NCKAP5: variants seen among roughly 807,000 people sequenced by gnomAD.
NCKAP5 encodes NCK associated protein 5, also known as nck-associated protein 5.
Under a neutral mutation model 167.0 loss-of-function variants are expected in NCKAP5, and 92 were observed. The ratio of observed to expected loss-of-function variants is 0.55; its 90% CI spans 0.47 to 0.66. The LOEUF (loss-of-function observed/expected upper bound fraction) is 0.66. Ranked by LOEUF, NCKAP5 falls within the 30% of genes least tolerant of loss-of-function variation. The pLI, the probability that NCKAP5 is intolerant of heterozygous loss-of-function variation, is 0.00. For missense variants in NCKAP5, 2,378 were observed against 2,315.0 expected (o/e 1.03, Z -0.56); for synonymous variants, 891 against 877.4 (o/e 1.02, Z -0.27).
At chr2:133,629,297 A>T in the NCKAP5 span, among the ~76,000 whole-genome samples, 1 of 152,106 alleles carries the variant, frequency 6.6e-6, no homozygotes, top group Admixed American at 6.6e-5. Context: ...ACAGGAAAAA[A>T]CAGCCCATTA....
In NCKAP5 at chr2:132,785,117, G is replaced by A. The variant is rs1683445188; in HGVS notation, c.1694C>T (p.Pro565Leu). 6.2e-7 allele frequency: 1 copy of A among 1,613,862 alleles called. No individual in the cohort carries two copies. Among genetic ancestry groups the A allele is most frequent in the African/African-American group, 1.3e-5 (1 of 75,050 alleles). ...QTPQVQRERG[P>L]QGQGHGRMAL... ...CATGCGGCCATGGCCTTGGCCCTGT[G>A]GGCCCCTCTCCCTCTGTACCTGAGG... Residue 565 changes from proline to leucine, a missense_variant, in exon 14 of 20, where the codon CCA (proline) becomes CTA (leucine). This residue lies in a region of NCKAP5 where 1,049 missense variants were observed against 1,023.4 expected (regional missense o/e 1.02). Coordinates refer to ENST00000409261, the MANE Select transcript of NCKAP5 (RefSeq NM_207363.3).
chr2:133,186,866 C>A (rs1158695621), intron 5 of NCKAP5, among the ~76,000 whole-genome samples: 1 of 151,984 alleles, frequency 6.6e-6, no homozygotes, highest in East Asian at 1.9e-4. Context: ...ACCTAGCTAG[C>A]AGTCTGTCAA....
At chr2:133,522,114 G>A (rs1199659232) in intron 2 of NCKAP5, among the ~76,000 whole-genome samples, 3 of 152,188 alleles carry the variant, frequency 2.0e-5, no homozygotes, top group African/African-American at 4.8e-5. Context: ...GGCAGTGAGA[G>A]GAGATTAGAA....
chr2:133,436,133 C>G (rs375951009), intron 3 of NCKAP5, among the ~76,000 whole-genome samples: 5 of 152,270 alleles, frequency 3.3e-5, no homozygotes, highest in African/African-American at 1.2e-4. Flanking sequence ...TCCATGTAGC[C>G]CAACTACAAG....
intron 3 of NCKAP5, among the ~76,000 whole-genome samples, chr2:133,355,599 C>CT (rs368714568): frequency 5.4e-5 from 8 of 148,992 alleles, no homozygotes; most frequent in East Asian, 2.0e-4. Context: ...TATTGCCAAC[C>CT]TTTTTTTTTT....
intron 1 of NCKAP5, among the ~76,000 whole-genome samples, chr2:133,563,496 G>A: frequency 7.2e-6 from 1 of 139,508 alleles, no homozygotes; most frequent in East Asian, 2.4e-4. Flanking sequence ...TTGAACCAGG[G>A]AGTCAGAGGT....
chr2:133,295,067 T>C (rs908714445), intron 4 of NCKAP5, among the ~76,000 whole-genome samples: 1 of 152,144 alleles, frequency 6.6e-6, no homozygotes, highest in Non-Finnish European at 1.5e-5. Context: ...GGCTTTGACT[T>C]CCCCTCAGGA....
At chr2:132,920,099 C>T (rs1695193922) in intron 8 of NCKAP5, among the ~76,000 whole-genome samples, 2 of 152,040 alleles carry the variant, frequency 1.3e-5, no homozygotes, top group Admixed American at 6.6e-5. Flanking sequence ...CAGGACCCAC[C>T]GTATTCCCCT....
At chr2:132,871,779 A>C (rs1042226457) in intron 9 of NCKAP5, among the ~76,000 whole-genome samples, 32 of 144,322 alleles carry the variant, frequency 2.2e-4, no homozygotes, top group African/African-American at 7.1e-4. Context: ...TATTACCTAG[A>C]AGGACTCACT....
At chr2:133,425,053 C>T (rs1465383233) in intron 3 of NCKAP5, among the ~76,000 whole-genome samples, 1 of 152,194 alleles carries the variant, frequency 6.6e-6, no homozygotes, top group East Asian at 1.9e-4. Context: ...GGTTTTCCTA[C>T]AAGGGAGCCT....
At chr2:133,519,775 C>G (rs1243958961) in intron 2 of NCKAP5, among the ~76,000 whole-genome samples, 1 of 152,154 alleles carries the variant, frequency 6.6e-6, no homozygotes, top group African/African-American at 2.4e-5. Flanking sequence ...ACAAGAAAAA[C>G]AAAGTCCCCG....
intron 2 of NCKAP5, among the ~76,000 whole-genome samples, chr2:133,543,339 G>C (rs1433720722): frequency 6.6e-6 from 1 of 152,118 alleles, no homozygotes; most frequent in Admixed American, 6.5e-5. Flanking sequence ...ACAACCAGCA[G>C]AACTGTGACC....
chr2:133,660,273 G>A, the NCKAP5 span, among the ~76,000 whole-genome samples: 18 of 152,130 alleles, frequency 1.2e-4, no homozygotes, highest in East Asian at 3.1e-3. Context: ...CTGTGGTCTC[G>A]CCACTCACTA....
intron 4 of NCKAP5, among the ~76,000 whole-genome samples, chr2:133,296,411 A>G (rs1305877746): frequency 2.6e-5 from 4 of 150,992 alleles, no homozygotes; most frequent in African/African-American, 9.7e-5. Flanking sequence ...TGATTTGGGT[A>G]GTAGTAAAAC....
chr2:132,746,768 A>T (rs958760494), intron 16 of NCKAP5, among the ~76,000 whole-genome samples: 9 of 152,144 alleles, frequency 5.9e-5, no homozygotes, highest in African/African-American at 2.2e-4. Flanking sequence ...ATACAACAAA[A>T]TACTAATGGG....
intron 4 of NCKAP5, among the ~76,000 whole-genome samples, chr2:133,272,779 G>T (rs567039321): frequency 1.3e-5 from 2 of 152,252 alleles, no homozygotes; most frequent in Non-Finnish European, 2.9e-5. Context: ...GCCTCTTCTA[G>T]ACACTTAGTA....
rs1364709554 is a variant in NCKAP5 at position 132,810,175 on chromosome 2, C to T, written c.808-13446G>A. Among the ~76,000 whole-genome samples the T allele has an allele frequency of 2.0e-5, 3 of 151,996 alleles. No homozygotes were observed. In the East Asian group the frequency reaches 5.8e-4, roughly 29 times the overall value. ...TCTGCTGTTAATCTTATAGGCTTTC[C>T]TTTCTAGGTTACCTGGTGCCTCTTA... On this transcript the variant is annotated intron_variant, in intron 11 of 19. Transcript: ENST00000409261.
Position 132,963,631 on chromosome 2 carries a change from G to A in NCKAP5, c.579+89C>T, listed in dbSNP as rs886343492. The A allele has an allele frequency of 3.7e-6, 5 of 1,353,204 alleles. No individual in the cohort carries two copies. In the South Asian group the frequency reaches 6.4e-5, roughly 17 times the overall value. 83.8% of individuals were successfully genotyped at this position (1,353,204 alleles called of 1,614,324 possible). On this transcript the variant is annotated intron_variant, in intron 8 of 19. Coordinates refer to ENST00000409261, the MANE Select transcript of NCKAP5 (RefSeq NM_207363.3). ...TAGTCTGGGAGAACTCAAAAGGGAA[G>A]ATTTATACTCACTCAAAACCAGTGC...
chr2:133,451,280 G>C (rs1488426987), intron 3 of NCKAP5, among the ~76,000 whole-genome samples: 1 of 152,094 alleles, frequency 6.6e-6, no homozygotes, highest in Non-Finnish European at 1.5e-5. Flanking sequence ...CAAGTTCTCT[G>C]GGAACCCTCT....
Sources: allele counts gnomAD v4.1 joint callset (sites outside exome capture counted in the v4.1 genomes callset), GRCh38; gene constraint gnomAD v4.1.1; regional missense constraint gnomAD v4.1.1; transcripts MANE v1.5; gene names NCBI Gene and HGNC (gene_info 2026-07-23, HGNC 2026-07-21).